The following CCDC175 variants were observed in gnomAD, a reference collection of about 807,000 sequenced individuals.
The protein encoded by CCDC175 is coiled-coil domain containing 175.
A neutral mutation model predicts 114.6 loss-of-function variants in CCDC175; 100 were observed. That is an observed-to-expected ratio of 0.87 (90% CI 0.74 to 1.03). The LOEUF is 1.03. Among genes scored for constraint, CCDC175 ranks in the 50% least tolerant of loss-of-function variants. The pLI is 0.00. For missense variants in CCDC175, 880 were observed against 917.8 expected (o/e 0.96, Z 0.53); for synonymous variants, 306 against 308.7 (o/e 0.99, Z 0.09).
intron 17 of CCDC175, among the ~76,000 whole-genome samples, chr14:59,518,074 G>A (rs1330364029): frequency 2.6e-5 from 4 of 152,158 alleles, no homozygotes; most frequent in East Asian, 1.9e-4. Context: ...ATGGGGAAAC[G>A]ATTCCCTATT....
intron 6 of CCDC175, among the ~76,000 whole-genome samples, chr14:59,563,456 C>A (rs577669296): frequency 6.6e-6 from 1 of 152,194 alleles, no homozygotes; most frequent in Non-Finnish European, 1.5e-5. Flanking sequence ...TGTATCAATA[C>A]ATTTGGTTAG....
intron 7 of CCDC175, among the ~76,000 whole-genome samples, chr14:59,552,785 C>A (rs1895609580): frequency 6.6e-6 from 1 of 152,178 alleles, no homozygotes; most frequent in African/African-American, 2.4e-5. Flanking sequence ...CCTCATGGAG[C>A]TGAAAACCAT....
intron 4 of CCDC175, among the ~76,000 whole-genome samples, chr14:59,566,385 T>C (rs915915872): frequency 6.6e-6 from 1 of 152,184 alleles, no homozygotes; most frequent in African/African-American, 2.4e-5. Flanking sequence ...TCAAGGCTAG[T>C]GAGTTTCAGA....
At chr14:59,507,173 G>T (rs552010880) in intron 19 of CCDC175, among the ~76,000 whole-genome samples, 25 of 152,096 alleles carry the variant, frequency 1.6e-4, no homozygotes, top group African/African-American at 6.0e-4. Flanking sequence ...ACACTTGCTG[G>T]TTGGTTCCCC....
At chr14:59,506,449 A>G (rs1892400240) in intron 19 of CCDC175, among the ~76,000 whole-genome samples, 1 of 151,888 alleles carries the variant, frequency 6.6e-6, no homozygotes, top group African/African-American at 2.4e-5. Context: ...CATGACACCC[A>G]GCTAATTTTT....
intron 17 of CCDC175, among the ~76,000 whole-genome samples, chr14:59,512,423 C>G (rs547830147): frequency 6.6e-6 from 1 of 152,326 alleles, no homozygotes; most frequent in South Asian, 2.1e-4. Context: ...GTGAGCCTCC[C>G]TGGTTGGCAA....
intron 14 of CCDC175, among the ~76,000 whole-genome samples, chr14:59,527,895 C>T (rs983539602): frequency 6.6e-6 from 1 of 151,976 alleles, no homozygotes; most frequent in African/African-American, 2.4e-5. Flanking sequence ...CTTCCTTTTG[C>T]ATTTTTCTTT....
intron 17 of CCDC175, among the ~76,000 whole-genome samples, chr14:59,515,170 TA>T (rs1893001091): frequency 6.6e-6 from 1 of 152,200 alleles, no homozygotes; most frequent in Admixed American, 6.5e-5. Context: ...AAGGAAGCAC[TA>T]AACATGGAAA....
At chr14:59,525,528 A>G in intron 15 of CCDC175, 94 bp from the exon 16 acceptor site, 1 of 878,362 alleles carries the variant, frequency 1.1e-6, no homozygotes, top group Non-Finnish European at 1.7e-6. Context: ...GCCAGATTCT[A>G]AATTAATTTC....
chr14:59,511,358 C>T (rs531695582), intron 18 of CCDC175, among the ~76,000 whole-genome samples: 1 of 152,002 alleles, frequency 6.6e-6, no homozygotes, highest in African/African-American at 2.4e-5. Flanking sequence ...CTATCTGACT[C>T]TGAAGTGGGG....
intron 13 of CCDC175, among the ~76,000 whole-genome samples, chr14:59,536,466 A>G (rs557087319): frequency 6.6e-6 from 1 of 152,046 alleles, no homozygotes; most frequent in South Asian, 2.1e-4. Context: ...CCCGTGCTAG[A>G]TAGAAAGCTC....
At chr14:59,576,440 C>G (rs958706628) in intron 1 of CCDC175, among the ~76,000 whole-genome samples, 179 bp downstream of exon 1, 5 of 152,162 alleles carry the variant, frequency 3.3e-5, no homozygotes, top group African/African-American at 1.2e-4. Flanking sequence ...GAGATCTGGG[C>G]ACTTGGTCCC....
At chr14:59,511,663 T>A in intron 18 of CCDC175, 97 bp downstream of exon 18, 1 of 966,634 alleles carries the variant, frequency 1.0e-6, no homozygotes, top group South Asian at 1.4e-5. Flanking sequence ...TGCATGCAGG[T>A]GCACACAGAC....
chr14:59,562,030 G>C (rs1896248561), intron 6 of CCDC175, among the ~76,000 whole-genome samples: 1 of 152,182 alleles, frequency 6.6e-6, no homozygotes, highest in African/African-American at 2.4e-5. Context: ...GAGAGAGGTG[G>C]GTAAAAGCTA....
At chr14:59,510,183 T>C (rs1892661334) in intron 19 of CCDC175, among the ~76,000 whole-genome samples, 1 of 152,186 alleles carries the variant, frequency 6.6e-6, no homozygotes, top group Non-Finnish European at 1.5e-5. Context: ...ACTGGACTGC[T>C]TGCTCATGAG....
At chr14:59,527,060 T>C in intron 15 of CCDC175, 35 bp downstream of exon 15, 2 of 1,132,608 alleles carry the variant, frequency 1.8e-6, no homozygotes, top group Non-Finnish European at 2.4e-6. Context: ...ATTCTAATAA[T>C]AATAAAAAAA....
At chr14:59,565,942 T>A (rs1048916201) in intron 4 of CCDC175, among the ~76,000 whole-genome samples, 8 of 152,210 alleles carry the variant, frequency 5.3e-5, no homozygotes, top group Admixed American at 3.9e-4. Flanking sequence ...ATTGTCATCA[T>A]GTCTATCTTA....
intron 4 of CCDC175, among the ~76,000 whole-genome samples, chr14:59,567,023 G>A (rs1353551727): frequency 6.6e-6 from 1 of 152,220 alleles, no homozygotes; most frequent in African/African-American, 2.4e-5. Context: ...TTGGAAGCAA[G>A]TCCCAGTAAT....
intron 7 of CCDC175, among the ~76,000 whole-genome samples, chr14:59,551,932 C>A (rs1461484806): frequency 6.6e-6 from 1 of 152,234 alleles, no homozygotes; most frequent in African/African-American, 2.4e-5. Context: ...GGGGCGCCCG[C>A]CATTGCCAAG....
Sources: allele counts gnomAD v4.1 joint callset (sites outside exome capture counted in the v4.1 genomes callset), GRCh38; gene constraint gnomAD v4.1.1; transcripts MANE v1.5; gene names NCBI Gene and HGNC (gene_info 2026-07-23, HGNC 2026-07-21).